Variants in RPL17 observed in about 807,000 individuals in gnomAD.
RPL17 encodes large ribosomal subunit protein uL22.
A neutral mutation model predicts 27.7 loss-of-function variants in RPL17; 2 were observed. That is an observed-to-expected ratio of 0.07 (90% CI 0.03 to 0.23). The LOEUF is 0.23. RPL17 is among the 10% of genes least tolerant of loss of function. The pLI, the probability that RPL17 is intolerant of heterozygous loss-of-function variation, is 1.00. For missense variants in RPL17, 141 were observed against 238.8 expected, an observed-to-expected ratio of 0.59 and a Z score of 2.70; for synonymous variants, 76 against 75.5, an observed-to-expected ratio of 1.01 and a Z score of -0.03.
chr18:49,489,965 C>T (rs1052869165), intron 5 of RPL17, among the ~76,000 whole-genome samples: 1 of 152,162 alleles, frequency 6.6e-6, no homozygotes, highest in South Asian at 2.1e-4. Flanking sequence ...GGGTAATATA[C>T]AAAATGGAGA....
intron 6 of RPL17, 24 bp from the exon 7 acceptor site, chr18:49,488,590 G>C (rs373990913): frequency 1.4e-5 from 17 of 1,183,934 alleles, no homozygotes; most frequent in South Asian, 5.3e-5. Flanking sequence ...AATGTGTTAA[G>C]TTTCTTAGAG....
intron 5 of RPL17, 159 bp downstream of exon 5, chr18:49,490,293 AAT>A: frequency 1.3e-6 from 1 of 790,726 alleles, no homozygotes; most frequent in South Asian, 1.9e-5. Flanking sequence ...ACTCAAAAAA[AAT>A]AAAAGGAAAT....
intron 6 of RPL17, 63 bp downstream of exon 6, chr18:49,489,296 G>C: frequency 6.4e-7 from 1 of 1,564,160 alleles, no homozygotes; most frequent in Non-Finnish European, 8.8e-7. Context: ...TCCTAAGATA[G>C]TCATCACAGC....
chr18:49,490,074 T>C (rs145805093), intron 5 of RPL17, among the ~76,000 whole-genome samples: 7 of 152,346 alleles, frequency 4.6e-5, no homozygotes, highest in East Asian at 1.9e-4. Context: ...ATTATGAAGG[T>C]AGGCCACAAA....
intron 6 of RPL17, 39 bp downstream of exon 6, chr18:49,489,320 T>C: frequency 6.2e-7 from 1 of 1,608,950 alleles, no homozygotes; most frequent in Non-Finnish European, 8.5e-7. Flanking sequence ...CACAAATCTT[T>C]CTACTATCAC....
In RPL17 at chr18:49,490,906, C is replaced by T; in HGVS notation, c.103G>A (p.Ala35Thr). 1.2e-6 allele frequency: 2 copies of T among 1,613,878 alleles called. No individual in the cohort carries two copies. The highest frequency in any genetic ancestry group is 1.7e-6 in the Non-Finnish European group (2 of 1,179,896). The change falls in exon 4 of 7, where the codon GCC (alanine) becomes ACC (threonine). Residue 35 changes from alanine (A) to threonine (T), a missense_variant. Ala to Thr is a moderately conservative substitution (Grantham distance 58). Coordinates refer to ENST00000580261, the MANE Select transcript of RPL17 (RefSeq NM_001035006.5). ...TTTCGTATATGCATACCCTTGATGG[C>T]CTGAGCAGTTTCACGAGTGTTCTAA... ...HFKNTRETAQAIKGMHIRKAT... is the reference protein window; with the variant it reads ...HFKNTRETAQTIKGMHIRKAT...
At chr18:49,491,994 C>T in intron 1 of RPL17, 2 of 358,754 alleles carry the variant, frequency 5.6e-6, no homozygotes, top group Admixed American at 3.8e-5. Flanking sequence ...GTAGTGAGTG[C>T]CGTCTCTCTC....
chr18:49,489,582 G>C, intron 5 of RPL17, 32 bp from the exon 6 acceptor site: 2 of 1,594,882 alleles, frequency 1.3e-6, no homozygotes, highest in Middle Eastern at 1.7e-4. Context: ...ATGAAACCAG[G>C]AACATCCTTA....
chr18:49,491,294 TTTA>T, intron 3 of RPL17, 108 bp downstream of exon 3: 1 of 1,529,368 alleles, frequency 6.5e-7, no homozygotes, highest in Non-Finnish European at 9.1e-7. Context: ...CTGCTCAGAA[TTTA>T]TTAATTTTCA....
At chr18:49,489,264 T>C in intron 6 of RPL17, 95 bp downstream of exon 6, 1 of 1,392,006 alleles carries the variant, frequency 7.2e-7, no homozygotes, top group Admixed American at 1.9e-5. Context: ...AATAGTTTTC[T>C]TTCATAGTTA....
intron 3 of RPL17, 176 bp from the exon 4 acceptor site, chr18:49,491,103 A>C: frequency 1.0e-6 from 1 of 998,698 alleles, no homozygotes; most frequent in East Asian, 2.4e-5. Flanking sequence ...AAGCTAGAGA[A>C]AACTCCAAAA....
chr18:49,491,156 TAATTAC>T (rs2148823700), intron 3 of RPL17: 1 of 882,290 alleles, frequency 1.1e-6, no homozygotes, highest in African/African-American at 1.7e-5. Context: ...CATCATCATG[TAATTAC>T]AATTAAAATG....
chr18:49,488,961 C>T (rs991686345), intron 6 of RPL17, among the ~76,000 whole-genome samples: 6 of 151,626 alleles, frequency 4.0e-5, no homozygotes, highest in East Asian at 1.9e-4. Context: ...TGCAGTGGCG[C>T]GATCTCGGCT....
At chr18:49,489,768 G>A (rs1011464436) in intron 5 of RPL17, among the ~76,000 whole-genome samples, 7 of 152,138 alleles carry the variant, frequency 4.6e-5, no homozygotes, top group African/African-American at 1.2e-4. Flanking sequence ...AACTCAGTGT[G>A]CTATACATTT....
chr18:49,488,629 A>G (rs1452664749), intron 6 of RPL17, 63 bp from the exon 7 acceptor site: 10 of 982,906 alleles, frequency 1.0e-5, no homozygotes, highest in Admixed American at 5.3e-5. Context: ...GGAGGACTTC[A>G]GCTTATTCTG....
intron 5 of RPL17, among the ~76,000 whole-genome samples, chr18:49,489,795 T>C (rs879402132): frequency 3.3e-5 from 5 of 152,218 alleles, no homozygotes; most frequent in Non-Finnish European, 7.3e-5. Context: ...TGAGTGGCCT[T>C]CCCAAAGATC....
At chr18:49,491,183 A>T in intron 3 of RPL17, 1 of 910,234 alleles carries the variant, frequency 1.1e-6, no homozygotes, top group Non-Finnish European at 1.8e-6. Flanking sequence ...CCCCATCTTG[A>T]TCTGCACACT....
intron 4 of RPL17, 84 bp from the exon 5 acceptor site, chr18:49,490,636 T>G: frequency 6.2e-7 from 1 of 1,600,448 alleles, no homozygotes; most frequent in South Asian, 1.1e-5. Context: ...ATATCACGGT[T>G]TCTTAGGATA....
rs760950035 is a variant in RPL17, at chr18:49,490,421, C to T, written c.315+33G>A. On this transcript the variant is annotated intron_variant, in intron 5 of 6. Coordinates refer to ENST00000580261, the MANE Select transcript of RPL17 (RefSeq NM_001035006.5). ...CAGCCAACATTAATTAAACAACCAC[C>T]CAAGTTGCACAGGATGTTAGTGGTT... 5 of 1,606,086 alleles carry T rather than the reference C, an allele frequency of 3.1e-6. No individual in the cohort carries two copies. In the East Asian group the frequency reaches 1.1e-4, roughly 36 times the overall value.
Sources: gnomAD v4.1 joint callset for allele counts (sites outside exome capture counted in the v4.1 genomes callset) on GRCh38, gnomAD v4.1.1 for gene constraint, MANE v1.5 for transcripts, NCBI Gene and HGNC (gene_info 2026-07-23, HGNC 2026-07-21) for gene names.